Variants in USP40 observed in about 807,000 individuals in gnomAD.
The protein encoded by USP40 is ubiquitin carboxyl-terminal hydrolase 40.
USP40 carries 143 observed loss-of-function variants against 166.2 expected under a neutral mutation model. The observed-to-expected ratio is 0.86, with a 90% confidence interval of 0.75 to 0.99. The LOEUF is 0.99. USP40 is among the 50% of genes least tolerant of loss of function. The probability of loss-of-function intolerance (pLI) is 0.00; values close to 1 mark genes in which losing one functional copy is unlikely to be tolerated. For missense variants in USP40, 1,444 were observed against 1,479.7 expected (o/e 0.98, Z 0.40); for synonymous variants, 498 against 524.0 (o/e 0.95, Z 0.68).
intron 21 of USP40, 27 bp from the exon 22 acceptor site, chr2:233,499,942 T>G (rs1312393055): frequency 6.2e-7 from 1 of 1,605,812 alleles, no homozygotes; most frequent in Non-Finnish European, 8.5e-7. Flanking sequence ...TGTCCAATGT[T>G]AGTTTTCTGT....
At chr2:233,503,132 C>A (rs1222338279) in intron 21 of USP40, among the ~76,000 whole-genome samples, 1 of 152,098 alleles carries the variant, frequency 6.6e-6, no homozygotes, top group African/African-American at 2.4e-5. Context: ...TCAACAAAAT[C>A]AGAAAAATTC....
chr2:233,559,969 T>C (rs933230015), intron 3 of USP40, 45 bp from the exon 4 acceptor site: 1 of 1,439,698 alleles, frequency 6.9e-7, no homozygotes, highest in Non-Finnish European at 9.5e-7. Flanking sequence ...CTTTAAGTGT[T>C]GACTAAGGCT....
intron 8 of USP40, among the ~76,000 whole-genome samples, chr2:233,543,291 C>T (rs1251392181): frequency 6.6e-6 from 1 of 152,162 alleles, no homozygotes; most frequent in Non-Finnish European, 1.5e-5. Flanking sequence ...TACAACCATC[C>T]TGCTACAAAA....
intron 21 of USP40, among the ~76,000 whole-genome samples, chr2:233,506,194 C>T (rs2066406335): frequency 6.6e-6 from 1 of 152,152 alleles, no homozygotes; most frequent in Non-Finnish European, 1.5e-5. Flanking sequence ...AATAAATTCA[C>T]AAACTTAACA....
intron 9 of USP40, among the ~76,000 whole-genome samples, chr2:233,541,340 C>T (rs762300656): frequency 6.6e-6 from 1 of 152,044 alleles, no homozygotes; most frequent in Non-Finnish European, 1.5e-5. Context: ...AGAGTAGGCC[C>T]TAAGTAAATC....
chr2:233,498,256 T>G (rs906753485), intron 23 of USP40, among the ~76,000 whole-genome samples: 1 of 152,226 alleles, frequency 6.6e-6, no homozygotes, highest in Admixed American at 6.5e-5. Context: ...CTTCATGAGC[T>G]CAAATGTCAT....
At chr2:233,556,405 CATAT>C (rs2071104154) in intron 5 of USP40, among the ~76,000 whole-genome samples, 2 of 152,008 alleles carry the variant, frequency 1.3e-5, no homozygotes, top group African/African-American at 4.8e-5. Flanking sequence ...CATAAGCACA[CATAT>C]ATAAATGAAC....
chr2:233,548,798 AATG>A (rs2070245652), intron 8 of USP40, among the ~76,000 whole-genome samples: 1 of 152,148 alleles, frequency 6.6e-6, no homozygotes, highest in South Asian at 2.1e-4. Context: ...TCGCACTAAT[AATG>A]ATAACGTTAA....
chr2:233,511,292 A>G (rs778765498), intron 20 of USP40, among the ~76,000 whole-genome samples: 1 of 152,196 alleles, frequency 6.6e-6, no homozygotes, highest in Non-Finnish European at 1.5e-5. Flanking sequence ...ACTGTGTTTC[A>G]TTCAACCTAA....
intron 11 of USP40, among the ~76,000 whole-genome samples, chr2:233,532,050 AAATTGGCTGACCCCAACG>A (rs1473471623): frequency 6.6e-6 from 1 of 152,180 alleles, no homozygotes. Flanking sequence ...CACACATAGG[AAATTGGCTGACCCCAACG>A]AATCAGACAG....
Position 233,493,581 on chromosome 2 carries a change from G to A in USP40, c.2791-30C>T. 6.3e-7 allele frequency: 1 copy of A among 1,575,152 alleles called. No homozygotes were observed. Among genetic ancestry groups the A allele is most frequent in the Non-Finnish European group, 8.6e-7 (1 of 1,158,488 alleles). ...AGAATGGAGCATGTTTAACTGCTGT[G>A]ATTACAAAGATTAAGTGAAACTCTA... On this transcript the variant is annotated intron_variant, in intron 24 of 31. Transcript: ENST00000678225. The surrounding 1 kb of genome is among the most constrained non-coding windows in gnomAD (Gnocchi z 4.7).
chr2:233,496,975 TAA>T, intron 23 of USP40, 143 bp from the exon 24 acceptor site: 1 of 602,158 alleles, frequency 1.7e-6, no homozygotes, highest in African/African-American at 1.9e-5. Flanking sequence ...GGAAATAAGC[TAA>T]GACTATAAAA....
Position 233,523,300 on chromosome 2 carries a change from T to C in USP40, c.2071A>G (p.Asn691Asp), listed in dbSNP as rs1331024907. The change falls in exon 16 of 32, where the codon AAC becomes GAC. Residue 691 changes from asparagine (N) to aspartate (D), a missense_variant. Asn to Asp is a conservative substitution (Grantham distance 23). Coordinates refer to ENST00000678225, the MANE Select transcript of USP40 (RefSeq NM_001365479.2). ...TCCCCACCTGGACATCCAGCACTGT[T>C]GATGAAGATGACACCTGCTGGGATT... ...LAIPAGVIFI[N>D]SAGCPGGEGW... The C allele has an allele frequency of 2.1e-5, 34 of 1,613,904 alleles. No homozygotes were observed. Among genetic ancestry groups the C allele is most frequent in the Non-Finnish European group, 2.7e-5 (32 of 1,179,884 alleles).
At chr2:233,522,939 T>C (rs1007597827) in intron 16 of USP40, among the ~76,000 whole-genome samples, 3 of 152,212 alleles carry the variant, frequency 2.0e-5, no homozygotes, top group African/African-American at 7.2e-5. Flanking sequence ...AAATCAGGGA[T>C]ACTTATATTA....
intron 3 of USP40, 144 bp from the exon 4 acceptor site, chr2:233,560,068 A>G (rs2071437564): frequency 5.5e-6 from 3 of 541,662 alleles, no homozygotes; most frequent in Non-Finnish European, 9.6e-6. Context: ...GGAAAAACTA[A>G]TTATGATTCA....
intron 1 of USP40, among the ~76,000 whole-genome samples, chr2:233,565,779 G>A (rs1234144933): frequency 6.6e-6 from 1 of 151,982 alleles, no homozygotes; most frequent in Non-Finnish European, 1.5e-5. Context: ...CCCTGGATAT[G>A]TTAATCTGTT....
chr2:233,522,816 A>T (rs993065859), intron 16 of USP40, among the ~76,000 whole-genome samples: 1 of 152,132 alleles, frequency 6.6e-6, no homozygotes, highest in African/African-American at 2.4e-5. Flanking sequence ...CTTCAGGAAA[A>T]TTTTCAGTTT....
At position 233,523,231 on chromosome 2, in the gene USP40, T is replaced by C. The variant is rs2067781433; in HGVS notation, c.2140A>G (p.Arg714Gly). 6 of 1,613,878 alleles carry C rather than the reference T, an allele frequency of 3.7e-6. No individual in the cohort carries two copies. The South Asian group carries it at 6.6e-5, about 18-fold the overall frequency. ...CTTCCATTTCTGAGCCCTTGCTCCCTGAACGTCTTCCTCATGTCTTCCTTG... is the reference window on the plus strand; with the variant it reads ...CTTCCATTTCTGAGCCCTTGCTCCCCGAACGTCTTCCTCATGTCTTCCTTG... ...IPKEDMRKTF[R>G]EQGLRNGSSI... Residue 714 changes from arginine (R) to glycine (G), a missense_variant, in exon 16 of 32, where the codon AGG (arginine) becomes GGG (glycine). By Grantham distance (125) the Arg-to-Gly change is moderately radical. Coordinates refer to ENST00000678225, the MANE Select transcript of USP40 (RefSeq NM_001365479.2).
chr2:233,485,798 T>A lies in USP40; in HGVS notation c.3377A>T (p.Glu1126Val), dbSNP rs746723190. Residue 1126 changes from glutamate (E) to valine (V), a missense_variant, in exon 29 of 32, where the codon GAA becomes GTA. By Grantham distance (121) the Glu-to-Val change is moderately radical. Transcript: ENST00000678225. ...EKIEIAKYFP[E>V]KFEWLPISSW... ...AGATATCGGAAGCCACTCGAACTTT[T>A]CGGGAAAGTATTTGGCAATTTCAAT... 5 of 1,612,482 alleles carry A rather than the reference T, an allele frequency of 3.1e-6. No homozygotes were observed. Among genetic ancestry groups the A allele is most frequent in the Non-Finnish European group, 4.2e-6 (5 of 1,179,480 alleles).
Sources: allele counts gnomAD v4.1 joint callset (sites outside exome capture counted in the v4.1 genomes callset), GRCh38; gene constraint gnomAD v4.1.1; non-coding constraint Gnocchi (gnomAD v3.1); transcripts MANE v1.5; gene names NCBI Gene and HGNC (gene_info 2026-07-23, HGNC 2026-07-21).